LRP1B: variants seen among roughly 807,000 people sequenced by gnomAD.
LRP1B encodes LDL receptor related protein 1B.
LRP1B carries 217 observed loss-of-function variants against 556.6 expected under a neutral mutation model. The observed-to-expected ratio is 0.39, with a 90% confidence interval of 0.35 to 0.44. The LOEUF is 0.44. Ranked by LOEUF, LRP1B falls within the 20% of genes least tolerant of loss-of-function variation. LRP1B has a pLI of 1.00. For synonymous variants in LRP1B, 2,047 were observed against 1,865.8 expected, an observed-to-expected ratio of 1.10 and a Z score of -2.50; for missense variants, 5,053 against 5,620.8, an observed-to-expected ratio of 0.90 and a Z score of 3.23.
chr2:141,762,800 A>G (rs1694604855), intron 2 of LRP1B, among the ~76,000 whole-genome samples: 1 of 152,214 alleles, frequency 6.6e-6, no homozygotes, highest in African/African-American at 2.4e-5. Context: ...TGGGACATAT[A>G]TAGAGAAAAA....
At chr2:141,784,836 G>C (rs1695377068) in intron 2 of LRP1B, among the ~76,000 whole-genome samples, 1 of 151,934 alleles carries the variant, frequency 6.6e-6, no homozygotes, top group Non-Finnish European at 1.5e-5. Flanking sequence ...ACCGATAACA[G>C]TCAATGTTTT....
chr2:140,547,822 G>T (rs1201004284), intron 43 of LRP1B, among the ~76,000 whole-genome samples: 1 of 151,714 alleles, frequency 6.6e-6, no homozygotes, highest in Non-Finnish European at 1.5e-5. Flanking sequence ...TTGCAGAGTT[G>T]TTCTAATTTT....
At chr2:142,033,459 G>A (rs1202643527) in intron 1 of LRP1B, among the ~76,000 whole-genome samples, 5 of 151,320 alleles carry the variant, frequency 3.3e-5, no homozygotes, top group African/African-American at 1.2e-4. Flanking sequence ...AAAATACATC[G>A]TTTGCCTCCT....
chr2:141,864,852 A>T (rs1435719368), intron 1 of LRP1B, among the ~76,000 whole-genome samples: 1 of 151,992 alleles, frequency 6.6e-6, no homozygotes, highest in Non-Finnish European at 1.5e-5. Flanking sequence ...ACTGCACTCC[A>T]GCCTGGGTGA....
chr2:140,801,986 T>A (rs1690530219), intron 32 of LRP1B, among the ~76,000 whole-genome samples: 1 of 152,080 alleles, frequency 6.6e-6, no homozygotes, highest in South Asian at 2.1e-4. Context: ...AAAATAAAGT[T>A]AGCCATACAA....
intron 2 of LRP1B, among the ~76,000 whole-genome samples, chr2:141,662,247 A>G (rs1690247991): frequency 6.6e-6 from 1 of 152,198 alleles, no homozygotes; most frequent in Admixed American, 6.6e-5. Context: ...ACAAAGACCA[A>G]TAACACTATG....
intron 3 of LRP1B, among the ~76,000 whole-genome samples, chr2:141,335,376 A>C (rs1341728079): frequency 1.3e-5 from 2 of 152,212 alleles, no homozygotes; most frequent in Non-Finnish European, 2.9e-5. Flanking sequence ...GAACATGAAA[A>C]TCATAAATTG....
At chr2:141,095,427 A>T (rs1330693954) in intron 7 of LRP1B, among the ~76,000 whole-genome samples, 2 of 148,874 alleles carry the variant, frequency 1.3e-5, no homozygotes, top group East Asian at 1.9e-4. Context: ...TATAATGAAG[A>T]TATTGTCATA....
chr2:141,569,050 G>A (rs1254589174), intron 2 of LRP1B, among the ~76,000 whole-genome samples: 2 of 151,102 alleles, frequency 1.3e-5, no homozygotes, highest in East Asian at 3.9e-4. Context: ...TTATAGGTGT[G>A]AGCCACCGTG....
At chr2:140,738,900 A>C (rs1015111976) in intron 35 of LRP1B, among the ~76,000 whole-genome samples, 2 of 152,214 alleles carry the variant, frequency 1.3e-5, no homozygotes, top group African/African-American at 4.8e-5. Flanking sequence ...TTAGTCTATA[A>C]TTGGATCTTT....
intron 2 of LRP1B, among the ~76,000 whole-genome samples, chr2:141,553,843 T>A (rs1346478256): frequency 7.4e-6 from 1 of 135,092 alleles, no homozygotes; most frequent in Non-Finnish European, 1.6e-5. Context: ...AATATATCTA[T>A]ATTAATATAG....
At chr2:141,497,504 G>A (rs1683549849) in intron 2 of LRP1B, among the ~76,000 whole-genome samples, 1 of 152,020 alleles carries the variant, frequency 6.6e-6, no homozygotes, top group South Asian at 2.1e-4. Context: ...GAATAAGGAA[G>A]TACCGGGTTT....
intron 32 of LRP1B, among the ~76,000 whole-genome samples, chr2:140,796,713 A>T (rs990458039): frequency 6.6e-6 from 1 of 152,130 alleles, no homozygotes; most frequent in Non-Finnish European, 1.5e-5. Flanking sequence ...AAAGTAACTT[A>T]TCTCTTTTGA....
chr2:141,008,700 C>A (rs989158971), intron 14 of LRP1B, among the ~76,000 whole-genome samples: 1 of 151,724 alleles, frequency 6.6e-6, no homozygotes, highest in African/African-American at 2.4e-5. Context: ...CTTCCAGAAG[C>A]AAAATTATAT....
At chr2:141,100,949 A>G (rs1700445774) in intron 7 of LRP1B, among the ~76,000 whole-genome samples, 1 of 152,132 alleles carries the variant, frequency 6.6e-6, no homozygotes, top group Admixed American at 6.6e-5. Context: ...GAGTACAGAA[A>G]GGGTTTCTTA....
At chr2:141,272,577 C>A (rs1381437030) in intron 3 of LRP1B, among the ~76,000 whole-genome samples, 1 of 151,940 alleles carries the variant, frequency 6.6e-6, no homozygotes, top group Non-Finnish European at 1.5e-5. Flanking sequence ...AAGAGACATA[C>A]TTGAGATCCA....
chr2:141,753,755 C>G (rs1391862962), intron 2 of LRP1B, among the ~76,000 whole-genome samples: 1 of 152,128 alleles, frequency 6.6e-6, no homozygotes, highest in Non-Finnish European at 1.5e-5. Context: ...GATCTACTGG[C>G]TAAAGTTGCC....
chr2:140,812,334 T>C (rs891573363), intron 32 of LRP1B, among the ~76,000 whole-genome samples: 7 of 152,070 alleles, frequency 4.6e-5, no homozygotes, highest in African/African-American at 1.4e-4. Context: ...ATAATAAAAA[T>C]TGAAATAGAG....
intron 3 of LRP1B, among the ~76,000 whole-genome samples, chr2:141,357,680 G>C (rs924998869): frequency 6.6e-6 from 1 of 152,088 alleles, no homozygotes; most frequent in Non-Finnish European, 1.5e-5. Context: ...AATGTTAAAT[G>C]ATATCCCACA....
Sources: gnomAD v4.1 joint callset for allele counts (sites outside exome capture counted in the v4.1 genomes callset) on GRCh38, gnomAD v4.1.1 for gene constraint, MANE v1.5 for transcripts, NCBI Gene and HGNC (gene_info 2026-07-23, HGNC 2026-07-21) for gene names.